Variants in HEATR4 observed in about 807,000 individuals in gnomAD.
HEATR4 encodes the protein HEAT repeat-containing protein 4.
In HEATR4, 95 loss-of-function variants were observed where a neutral mutation model predicts 108.8. The ratio of observed to expected loss-of-function variants is 0.87; its 90% CI spans 0.74 to 1.04. The LOEUF is 1.04. HEATR4 is among the 50% of genes least tolerant of loss of function. The pLI is 0.00. For missense variants in HEATR4, 1,152 were observed against 1,253.8 expected, an observed-to-expected ratio of 0.92 and a Z score of 1.23; for synonymous variants, 443 against 459.4, an observed-to-expected ratio of 0.96 and a Z score of 0.46.
chr14:73,479,949 C>G (rs1316453554), intron 17 of HEATR4, among the ~76,000 whole-genome samples: 1 of 151,976 alleles, frequency 6.6e-6, no homozygotes, highest in East Asian at 1.9e-4. Flanking sequence ...GAAAAGCTGC[C>G]CATTAAAAAA....
At chr14:73,598,517 G>A in the HEATR4 span, among the ~76,000 whole-genome samples, 32,455 of 151,984 alleles carry the variant, frequency 0.21, 6,612 homozygotes, top group African/African-American at 0.54. Context: ...ATAGAACGCC[G>A]TGAGGATTCT....
the HEATR4 span, among the ~76,000 whole-genome samples, chr14:73,589,049 G>C: frequency 2.6e-5 from 4 of 151,946 alleles, no homozygotes; most frequent in Non-Finnish European, 5.9e-5. Context: ...CCACCAGAAT[G>C]GTACATTTGT....
At chr14:73,569,588 C>G in the HEATR4 span, 2 of 1,601,224 alleles carry the variant, frequency 1.2e-6, no homozygotes, top group Non-Finnish European at 1.7e-6. Context: ...GCTACCGCGC[C>G]GACACTCTTG....
At chr14:73,592,267 T>C in the HEATR4 span, 2 of 1,613,088 alleles carry the variant, frequency 1.2e-6, no homozygotes, top group African/African-American at 2.7e-5. Context: ...ATTCCTTTTG[T>C]CGTGGAGTTG....
the HEATR4 span, among the ~76,000 whole-genome samples, chr14:73,610,625 G>C: frequency 6.6e-6 from 1 of 152,168 alleles, no homozygotes; most frequent in Non-Finnish European, 1.5e-5. Context: ...ACAAACCTCT[G>C]CCTCCAGATC....
rs527337061 is a variant in HEATR4 at position 73,487,656 on chromosome 14, G to A, written c.2844+5410C>T. ...CAGGGCAGTGTGCTAAATGCAAGAC[G>A]GGATAGAAAAAGGCATAAGGAAGTC... On this transcript the variant is annotated intron_variant, in intron 17 of 17. Coordinates refer to ENST00000553558, the MANE Select transcript of HEATR4 (RefSeq NM_001220484.1). Among the ~76,000 whole-genome samples the A allele has an allele frequency of 4.6e-5, 7 of 152,236 alleles. 1 individual carries two copies. The East Asian group carries it at 9.6e-4, about 21-fold the overall frequency.
Position 73,547,121 on chromosome 14 carries a change from G to C in HEATR4, c.-152+11630C>G, listed in dbSNP as rs1889245718. 1.8e-5 allele frequency among the ~76,000 whole-genome samples: 2 copies of C among 111,146 alleles called. 1 individual carries two copies. Among genetic ancestry groups the C allele is most frequent in the Non-Finnish European group, 3.9e-5 (2 of 50,854 alleles). The allele number at this position is 111,146 out of a possible 152,430, so 72.9% of individuals were successfully genotyped here. ...AAAAAGACCCGGTGCGGTGGCTTAC[G>C]CCTGTAATCCCAGCCCTTTGAGAGG... On this transcript the variant is annotated intron_variant, in intron 1 of 17. Transcript: ENST00000553558.
chr14:73,576,478 G>A, the HEATR4 span, among the ~76,000 whole-genome samples: 3 of 151,896 alleles, frequency 2.0e-5, no homozygotes, highest in Non-Finnish European at 4.4e-5. Flanking sequence ...AATTACATAA[G>A]TGATTTTAAC....
the HEATR4 span, chr14:73,573,451 G>T: frequency 6.2e-7 from 1 of 1,613,648 alleles, no homozygotes; most frequent in East Asian, 2.2e-5. Flanking sequence ...CTGGAGTATC[G>T]GGCTAGTCTG....
the HEATR4 span, chr14:73,569,780 G>A: frequency 6.2e-7 from 1 of 1,605,800 alleles, no homozygotes. Context: ...ACCCCGGGCG[G>A]CTGCTGTGCC....
the HEATR4 span, among the ~76,000 whole-genome samples, chr14:73,594,780 A>C: frequency 6.6e-6 from 1 of 151,952 alleles, no homozygotes; most frequent in Non-Finnish European, 1.5e-5. Context: ...GGCTCACTGC[A>C]ACCTCCGCCT....
the HEATR4 span, among the ~76,000 whole-genome samples, chr14:73,610,663 T>G: frequency 1.3e-5 from 2 of 152,158 alleles, no homozygotes; most frequent in Non-Finnish European, 2.9e-5. Flanking sequence ...ATATGAAATG[T>G]ACTAGGTTTA....
Position 73,547,887 on chromosome 14 carries a change from AAAAAT to A in HEATR4, c.-152+10859_-152+10863del, listed in dbSNP as rs1162548322. Among the ~76,000 whole-genome samples the A allele has an allele frequency of 3.7e-4, 43 of 115,142 alleles. 12 individuals carry two copies. Among genetic ancestry groups the A allele is most frequent in the African/African-American group, 1.2e-3 (41 of 35,372 alleles). The allele number at this position is 115,142 out of a possible 152,430, so 75.5% of individuals were successfully genotyped here. ...GACAACAGAGTGAGACCCTGTCTCA[AAAAAT>A]AAAATAAAAATAAAGTGTACAAAGA... is the stretch of plus-strand genomic sequence containing the variant. On this transcript the variant is annotated intron_variant, in intron 1 of 17. Transcript: ENST00000553558.
the HEATR4 span, among the ~76,000 whole-genome samples, chr14:73,628,396 C>A: frequency 6.6e-6 from 1 of 152,122 alleles, no homozygotes; most frequent in East Asian, 1.9e-4. Flanking sequence ...CCCATCTCAG[C>A]CTCCCAAAAT....
chr14:73,615,016 G>A, the HEATR4 span, among the ~76,000 whole-genome samples: 2 of 150,614 alleles, frequency 1.3e-5, no homozygotes, highest in African/African-American at 2.4e-5. Flanking sequence ...TTGAACCCAG[G>A]GGGCAGAGGT....
rs1889129859 is a variant in HEATR4, at chr14:73,542,652, C to T, written c.-151-12408G>A. 3.6e-5 allele frequency among the ~76,000 whole-genome samples: 4 copies of T among 110,836 alleles called. 2 individuals carry two copies. The highest frequency in any genetic ancestry group is 5.7e-4 in the South Asian group (2 of 3,490). 72.7% of individuals were successfully genotyped at this position (110,836 alleles called of 152,430 possible). A position where few individuals can be genotyped will look rare whatever the true frequency, so the allele number is the denominator to read the frequency against. The stretch of plus-strand genomic sequence containing the variant: ...AACTCCTGACCTCAAATGATCCACC[C>T]GCCTCAGCCTCCCAAACTGTTGGGA... On this transcript the variant is annotated intron_variant, in intron 1 of 17. Coordinates refer to ENST00000553558, the MANE Select transcript of HEATR4 (RefSeq NM_001220484.1).
At chr14:73,593,184 C>T in the HEATR4 span, among the ~76,000 whole-genome samples, 131 of 152,270 alleles carry the variant, frequency 8.6e-4, 1 homozygote, top group African/African-American at 3.1e-3. Context: ...CTTCAGACTC[C>T]ACTGCCTTTC....
At chr14:73,595,745 A>G in the HEATR4 span, 1 of 1,397,728 alleles carries the variant, frequency 7.2e-7, no homozygotes, top group Non-Finnish European at 9.5e-7. Flanking sequence ...GGATAACATT[A>G]AAGCCATGTC....
rs776661834 is a variant in HEATR4, at chr14:73,492,916, C to T, written c.2844+150G>A. 1 of 1,613,510 alleles carries T rather than the reference C, an allele frequency of 6.2e-7. No homozygotes were observed. Among genetic ancestry groups the T allele is most frequent in the South Asian group, 1.1e-5 (1 of 91,062 alleles). On this transcript the variant is annotated intron_variant, in intron 17 of 17. Transcript: ENST00000553558. The surrounding 1 kb of genome is among the most constrained non-coding windows in gnomAD (Gnocchi z 4.9). ...CGTTGTATGATAAGGGGCTGCTGCT[C>T]ACTAAGATGCCTCTAGCCCTAAATT...
Sources: allele counts gnomAD v4.1 joint callset (sites outside exome capture counted in the v4.1 genomes callset), GRCh38; gene constraint gnomAD v4.1.1; non-coding constraint Gnocchi (gnomAD v3.1); transcripts MANE v1.5; gene names NCBI Gene and HGNC (gene_info 2026-07-23, HGNC 2026-07-21).